The following TTLL6 variants were observed in gnomAD, a reference collection of about 807,000 sequenced individuals.
TTLL6 encodes the protein tubulin polyglutamylase TTLL6.
A neutral mutation model predicts 96.4 loss-of-function variants in TTLL6; 75 were observed. The ratio of observed to expected loss-of-function variants is 0.78; its 90% CI spans 0.65 to 0.94. The LOEUF (loss-of-function observed/expected upper bound fraction) is 0.94, where lower values mean the gene tolerates loss of function less well. TTLL6 is among the 40% of genes least tolerant of loss of function. The pLI is 0.00. For missense variants in TTLL6, 1,030 were observed against 1,093.0 expected, an observed-to-expected ratio of 0.94 and a Z score of 0.81; for synonymous variants, 411 against 419.4, an observed-to-expected ratio of 0.98 and a Z score of 0.24.
intron 1 of TTLL6, chr17:48,812,064 A>ACCCCCCCCCCCCCCCCCCC (rs56757071): frequency 1.3e-4 from 10 of 76,140 alleles, no homozygotes; most frequent in African/African-American, 3.3e-4. Context: ...TGATGCTGGG[A>ACCCCCCCCCCCCCCCCCCC]CCCCCCCCCC....
chr17:48,806,955 G>C (rs972379498), intron 1 of TTLL6, among the ~76,000 whole-genome samples: 6 of 151,786 alleles, frequency 4.0e-5, no homozygotes, highest in Admixed American at 1.3e-4. Context: ...ACTTGAATCC[G>C]GGAGGCAGAG....
At chr17:48,794,425 C>T in intron 8 of TTLL6, 1 of 1,409,890 alleles carries the variant, frequency 7.1e-7, no homozygotes, top group Non-Finnish European at 9.4e-7. Flanking sequence ...GGCAGGGAGT[C>T]TCATCACGTT....
In TTLL6 at chr17:48,801,570, A is replaced by T. The variant is rs1167949419; in HGVS notation, c.435T>A (p.Asp145Glu). The T allele has an allele frequency of 6.4e-7, 1 of 1,551,772 alleles. No individual in the cohort carries two copies. Among genetic ancestry groups the T allele is most frequent in the Non-Finnish European group, 8.7e-7 (1 of 1,147,034 alleles). Residue 145 changes from aspartate (D) to glutamate (E), a missense_variant, in exon 4 of 16, where the codon GAT becomes GAA. Coordinates refer to ENST00000393382, the MANE Select transcript of TTLL6 (RefSeq NM_001130918.3). ...EDDDWTLYWT[D>E]YSVSLERVME... is the part of the protein sequence containing the mutation. ...TCACCCGCTCCAGTGACACTGAGTA[A>T]TCTGTCCAATAGAGAGTCCAGTCAT...
rs552300544 is a variant in TTLL6, at chr17:48,794,845, T to C, written c.998+1216A>G. ...GAAGCCTGGTGCAGCGGAAAGAGAA[T>C]GAGCTCTGGGGTCTAACAGACCTCG... On this transcript the variant is annotated intron_variant, in intron 8 of 15. Coordinates refer to ENST00000393382, the MANE Select transcript of TTLL6 (RefSeq NM_001130918.3). Among the ~76,000 whole-genome samples the C allele has an allele frequency of 4.7e-4, 72 of 152,300 alleles. 1 individual carries two copies. Among genetic ancestry groups the C allele is most frequent in the African/African-American group, 1.6e-3 (66 of 41,564 alleles).
At chr17:48,811,697 T>C in intron 1 of TTLL6, among the ~76,000 whole-genome samples, 1 of 89,664 alleles carries the variant, frequency 1.1e-5, no homozygotes, top group African/African-American at 4.9e-5. Flanking sequence ...GCAGAAAGCT[T>C]TTTTTTTTTT....
At chr17:48,784,442 G>A (rs1441947999) in intron 13 of TTLL6, among the ~76,000 whole-genome samples, 2 of 152,032 alleles carry the variant, frequency 1.3e-5, no homozygotes. Flanking sequence ...GAAGCACAGA[G>A]AAGAAAGCCA....
At chr17:48,769,663 A>G (rs984733183) in intron 14 of TTLL6, 65 bp downstream of exon 14, 1 of 1,555,614 alleles carries the variant, frequency 6.4e-7, no homozygotes, top group Non-Finnish European at 8.7e-7. Flanking sequence ...AAAGATTAGG[A>G]CTGGTTCTAT....
In TTLL6 at chr17:48,799,732, AC is replaced by A; in HGVS notation, c.639del (p.Arg213SerfsTer27). 6 of 1,551,582 alleles carry A rather than the reference AC, an allele frequency of 3.9e-6. No individual in the cohort carries two copies. The highest frequency in any genetic ancestry group is 5.2e-6 in the Non-Finnish European group (6 of 1,146,978). On this transcript the variant is annotated frameshift_variant, in exon 6 of 16. Transcript: ENST00000393382. LOFTEE classifies it high-confidence loss of function. ...ADWGDLQTYSRSRKNKTYICK... is the reference protein window; with the variant it reads ...ADWGDLQTYSXSRKNKTYICK... Reference sequence around the variant, plus strand: ...CAAATGTATGTCTTATTTTTTCTTGACCTGCTGTAGGTCTGCAAATCTCCCC... The same window carrying A: ...CAAATGTATGTCTTATTTTTTCTTGACTGCTGTAGGTCTGCAAATCTCCCC...
Position 48,817,159 on chromosome 17 carries a change from G to T in TTLL6, c.-87C>A. The T allele has an allele frequency of 1.0e-6, 1 of 971,556 alleles. No individual in the cohort carries two copies. Among genetic ancestry groups the T allele is most frequent in the Non-Finnish European group, 1.5e-6 (1 of 674,994 alleles). The allele number at this position is 971,556 out of a possible 1,614,324, so 60.2% of individuals were successfully genotyped here. ...TCATATTTGCATACGGGGCCTTCTAGGCCTTCGATTGGCCCCTGCAGTAGC... is the reference window on the plus strand; with the variant it reads ...TCATATTTGCATACGGGGCCTTCTATGCCTTCGATTGGCCCCTGCAGTAGC... On this transcript the variant is annotated 5_prime_UTR_variant, in exon 1 of 16. Transcript: ENST00000393382.
Position 48,803,919 on chromosome 17 carries a change from G to A in TTLL6, c.333C>T (p.Ile111=), listed in dbSNP as rs779263827. Residue 111 remains isoleucine, a synonymous_variant, in exon 3 of 16, where the codon ATC becomes ATT. Transcript: ENST00000393382. ...KKKRKKKRLV[I]NLSSCRYESV... ...TCTCATACCGGCAGCTGGATAGATT[G>A]ATCACCAATCATCTGGAAAAGAGAA... is the stretch of plus-strand genomic sequence containing the variant. 43 of 1,551,796 alleles carry A rather than the reference G, an allele frequency of 2.8e-5. No individual in the cohort carries two copies. The highest frequency in any genetic ancestry group is 1.7e-4 in the Middle Eastern group (1 of 6,018).
At chr17:48,785,990 G>C (rs1295281100) in intron 12 of TTLL6, among the ~76,000 whole-genome samples, 174 bp downstream of exon 12, 1 of 152,196 alleles carries the variant, frequency 6.6e-6, no homozygotes, top group African/African-American at 2.4e-5. Flanking sequence ...TCTAAAAGAT[G>C]CCGGCTCCTG....
chr17:48,771,685 A>T (rs1437791130), intron 13 of TTLL6, among the ~76,000 whole-genome samples: 1 of 149,788 alleles, frequency 6.7e-6, no homozygotes, highest in African/African-American at 2.5e-5. Flanking sequence ...ATATATATTT[A>T]TCTATCACTC....
chr17:48,806,443 C>G (rs551889845), intron 1 of TTLL6, among the ~76,000 whole-genome samples: 2 of 152,166 alleles, frequency 1.3e-5, no homozygotes, highest in African/African-American at 4.8e-5. Flanking sequence ...ACCACAGAGC[C>G]AATTTTCTGG....
chr17:48,774,324 C>T (rs2038827973), intron 13 of TTLL6, among the ~76,000 whole-genome samples: 1 of 148,990 alleles, frequency 6.7e-6, no homozygotes, highest in African/African-American at 2.5e-5. Context: ...TTGCCACGCC[C>T]AGCTAATTTT....
chr17:48,804,634 C>T (rs1455470697), intron 2 of TTLL6, 138 bp downstream of exon 2: 8 of 732,336 alleles, frequency 1.1e-5, no homozygotes, highest in Admixed American at 2.3e-5. Flanking sequence ...TTTATATGAA[C>T]CAAAAGTGGT....
intron 11 of TTLL6, among the ~76,000 whole-genome samples, chr17:48,786,938 C>A (rs2039111452): frequency 6.8e-6 from 1 of 146,848 alleles, no homozygotes; most frequent in South Asian, 2.2e-4. Flanking sequence ...AGGTTTAATT[C>A]TCTGCCTCAG....
chr17:48,770,258 A>G (rs2038712338), intron 13 of TTLL6, among the ~76,000 whole-genome samples, 161 bp from the exon 14 acceptor site: 1 of 151,898 alleles, frequency 6.6e-6, no homozygotes, highest in Non-Finnish European at 1.5e-5. Flanking sequence ...CCTCCTGAGT[A>G]GCTGGGACTA....
rs2039655228 is a variant in TTLL6 at position 48,815,431 on chromosome 17, A to G, written c.103+1539T>C. The G allele has an allele frequency of 2.0e-5, 3 of 152,190 alleles. No individual in the cohort carries two copies. In the South Asian group the frequency reaches 6.2e-4, roughly 32 times the overall value. The allele number at this position is 152,190 out of a possible 1,614,324, so 9.4% of individuals were successfully genotyped here. The stretch of plus-strand genomic sequence containing the variant: ...AATGTCAAATTGGATGGGGGAAGAA[A>G]AGATGTGGAGGTAAGACCTCTGGAT... On this transcript the variant is annotated intron_variant, in intron 1 of 15. Transcript: ENST00000393382.
intron 15 of TTLL6, among the ~76,000 whole-genome samples, chr17:48,767,531 G>A (rs1597954748): frequency 6.6e-6 from 1 of 152,300 alleles, no homozygotes; most frequent in Admixed American, 6.5e-5. Context: ...CTATGGGCTG[G>A]ATGTTTCCTT....
Sources: gnomAD v4.1 joint callset for allele counts (sites outside exome capture counted in the v4.1 genomes callset) on GRCh38, gnomAD v4.1.1 for gene constraint, MANE v1.5 for transcripts, NCBI Gene and HGNC (gene_info 2026-07-23, HGNC 2026-07-21) for gene names.